ADGRB3: variants seen among roughly 807,000 people sequenced by gnomAD.
ADGRB3 encodes the protein brain-specific angiogenesis inhibitor 3.
A neutral mutation model predicts 193.4 loss-of-function variants in ADGRB3; 37 were observed. That is an observed-to-expected ratio of 0.19 (90% CI 0.15 to 0.25). The LOEUF is 0.25. Ranked by LOEUF, ADGRB3 falls within the 10% of genes least tolerant of loss-of-function variation. The pLI is 1.00. For missense variants in ADGRB3, 1,637 were observed against 1,852.9 expected, an observed-to-expected ratio of 0.88 and a Z score of 2.14; for synonymous variants, 690 against 644.2, an observed-to-expected ratio of 1.07 and a Z score of -1.08.
chr6:69,377,561 G>A (rs903752707), intron 30 of ADGRB3, among the ~76,000 whole-genome samples: 17 of 151,996 alleles, frequency 1.1e-4, no homozygotes, highest in Admixed American at 5.2e-4. Flanking sequence ...TATGGGCAAC[G>A]GCATTGTAGG....
intron 4 of ADGRB3, 59 bp from the exon 5 acceptor site, chr6:68,936,460 T>C: frequency 6.5e-7 from 1 of 1,531,308 alleles, no homozygotes; most frequent in Non-Finnish European, 8.9e-7. Flanking sequence ...TTTGGTATAA[T>C]GCTTACTAGA....
chr6:68,707,310 C>G (rs915523028), intron 3 of ADGRB3, among the ~76,000 whole-genome samples: 1 of 152,052 alleles, frequency 6.6e-6, no homozygotes, highest in African/African-American at 2.4e-5. Context: ...TTGTTGTGCT[C>G]TTAGATACGT....
intron 30 of ADGRB3, among the ~76,000 whole-genome samples, chr6:69,379,525 C>T (rs1005450631): frequency 3.4e-4 from 51 of 151,976 alleles, no homozygotes; most frequent in African/African-American, 1.2e-3. Flanking sequence ...AAAACTAAAA[C>T]GACACCTAAG....
intron 17 of ADGRB3, among the ~76,000 whole-genome samples, chr6:69,169,929 A>T (rs1249024895): frequency 1.3e-5 from 2 of 152,164 alleles, no homozygotes; most frequent in African/African-American, 4.8e-5. Context: ...GCAGAAAAAT[A>T]GAGTCAGCTA....
chr6:68,740,633 A>G (rs577700500), intron 3 of ADGRB3, among the ~76,000 whole-genome samples: 1 of 152,294 alleles, frequency 6.6e-6, no homozygotes, highest in Admixed American at 6.5e-5. Context: ...TATGGGCCAC[A>G]ATGTCAGTGT....
chr6:69,148,209 T>TTTCC (rs928607458), intron 17 of ADGRB3, among the ~76,000 whole-genome samples: 8 of 152,120 alleles, frequency 5.3e-5, no homozygotes, highest in African/African-American at 1.9e-4. Context: ...CTCTTCCTTC[T>TTTCC]TTCCTTCCTT....
intron 20 of ADGRB3, among the ~76,000 whole-genome samples, chr6:69,313,208 A>C (rs975574233): frequency 6.6e-5 from 10 of 151,864 alleles, no homozygotes; most frequent in African/African-American, 2.4e-4. Context: ...GACAGATTAC[A>C]TCAGAATCTC....
chr6:69,204,540 C>T (rs571766097), intron 17 of ADGRB3, among the ~76,000 whole-genome samples: 6 of 152,140 alleles, frequency 3.9e-5, no homozygotes, highest in Non-Finnish European at 7.3e-5. Flanking sequence ...GGAGTAGTGG[C>T]TGTGTGGGTT....
At chr6:69,129,951 T>G (rs1370274438) in intron 17 of ADGRB3, among the ~76,000 whole-genome samples, 1 of 152,142 alleles carries the variant, frequency 6.6e-6, no homozygotes, top group Admixed American at 6.6e-5. Flanking sequence ...TAACCAACTT[T>G]TATAGAATCT....
At chr6:68,831,773 G>A (rs566977979) in intron 3 of ADGRB3, among the ~76,000 whole-genome samples, 36 of 152,284 alleles carry the variant, frequency 2.4e-4, no homozygotes, top group South Asian at 8.3e-4. Context: ...GAAATAAGTT[G>A]TGCCCCCAAA....
At chr6:68,688,459 A>G (rs940079622) in intron 3 of ADGRB3, among the ~76,000 whole-genome samples, 1 of 152,180 alleles carries the variant, frequency 6.6e-6, no homozygotes, top group Non-Finnish European at 1.5e-5. Context: ...TTGCCCAAAC[A>G]TCAAGCATCT....
chr6:69,332,190 T>G (rs1768745641), intron 23 of ADGRB3: 1 of 985,378 alleles, frequency 1.0e-6, no homozygotes, highest in Non-Finnish European at 1.2e-6. Flanking sequence ...ATCTATGCAG[T>G]TTTTACAGTT....
chr6:69,005,910 T>G (rs1375719071), intron 11 of ADGRB3, among the ~76,000 whole-genome samples: 1 of 152,202 alleles, frequency 6.6e-6, no homozygotes, highest in Non-Finnish European at 1.5e-5. Flanking sequence ...CATCCTGTAT[T>G]ATAATATTCT....
At chr6:68,704,761 G>A (rs1765297214) in intron 3 of ADGRB3, among the ~76,000 whole-genome samples, 2 of 152,128 alleles carry the variant, frequency 1.3e-5, no homozygotes, top group South Asian at 2.1e-4. Flanking sequence ...CCTTTTAGCA[G>A]GTAAAGCTTG....
chr6:68,953,332 CT>C (rs1767983623), intron 6 of ADGRB3, among the ~76,000 whole-genome samples: 1 of 152,174 alleles, frequency 6.6e-6, no homozygotes, highest in Non-Finnish European at 1.5e-5. Flanking sequence ...CCTAATTCAC[CT>C]TTGTTAATGT....
At chr6:68,748,858 A>G (rs1416736744) in intron 3 of ADGRB3, among the ~76,000 whole-genome samples, 1 of 152,142 alleles carries the variant, frequency 6.6e-6, no homozygotes, top group East Asian at 1.9e-4. Context: ...GTTTCCACAC[A>G]TCTTCTGAAA....
chr6:69,313,893 A>G (rs1768253491), intron 20 of ADGRB3, among the ~76,000 whole-genome samples: 1 of 151,724 alleles, frequency 6.6e-6, no homozygotes, highest in African/African-American at 2.4e-5. Context: ...TGGTGAGAAC[A>G]TTTAACACTT....
chr6:69,175,136 G>C (rs1159106074), intron 17 of ADGRB3, among the ~76,000 whole-genome samples: 2 of 152,054 alleles, frequency 1.3e-5, no homozygotes, highest in African/African-American at 4.8e-5. Flanking sequence ...GTCAGTTTTT[G>C]GGTTTTTTTT....
chr6:69,061,261 T>C (rs779414442), intron 15 of ADGRB3, among the ~76,000 whole-genome samples: 1 of 151,980 alleles, frequency 6.6e-6, no homozygotes, highest in Non-Finnish European at 1.5e-5. Context: ...TGTTAACCCA[T>C]GCGAAACAGG....
Sources: allele counts gnomAD v4.1 joint callset (sites outside exome capture counted in the v4.1 genomes callset), GRCh38; gene constraint gnomAD v4.1.1; transcripts MANE v1.5; gene names NCBI Gene and HGNC (gene_info 2026-07-23, HGNC 2026-07-21).